TASOR2: variants seen among roughly 807,000 people sequenced by gnomAD.
TASOR2 encodes transcription activation suppressor family member 2.
In TASOR2, 84 loss-of-function variants were observed where a neutral mutation model predicts 199.5. That is an observed-to-expected ratio of 0.42 (90% confidence interval 0.35 to 0.50). TASOR2 has a LOEUF of 0.50. TASOR2 is among the 20% of genes least tolerant of loss of function. The pLI, the probability that TASOR2 is intolerant of heterozygous loss-of-function variation, is 0.02. For missense variants in TASOR2, 2,796 were observed against 2,835.9 expected (o/e 0.99, Z 0.32); for synonymous variants, 1,103 against 1,046.6 (o/e 1.05, Z -1.04).
chr10:5,747,298 A>C, exon 15 of TASOR2: 1 of 1,614,192 alleles, frequency 6.2e-7, no homozygotes, highest in Non-Finnish European at 8.5e-7. Flanking sequence ...ACCACCTACA[A>C]GTCCCAGAGA....
Position 5,685,835 on chromosome 10 carries a change from A to G in TASOR2, c.-288+660A>G, listed in dbSNP as rs537454231. 6.6e-6 allele frequency among the ~76,000 whole-genome samples: 1 copy of G among 152,324 alleles called. No individual in the cohort carries two copies. Among genetic ancestry groups the G allele is most frequent in the South Asian group, 2.1e-4 (1 of 4,830 alleles). On this transcript the variant is annotated intron_variant, in intron 1 of 20. Transcript: ENST00000328090. This position sits in a 1 kb window ranked among gnomAD's most constrained non-coding sequence, Gnocchi z 5.4. ...TTGTCTATTTGAAATCTGTAACTTTAAACAAACCACGCTTACTCTTCCTTA... is the reference window on the plus strand; with the variant it reads ...TTGTCTATTTGAAATCTGTAACTTTGAACAAACCACGCTTACTCTTCCTTA...
At position 5,736,105 on chromosome 10, in the gene TASOR2, A is replaced by G. The variant is rs148998752; in HGVS notation, c.1447+559A>G. Among the ~76,000 whole-genome samples, 178 of 152,134 alleles carry G rather than the reference A, an allele frequency of 1.2e-3. 3 individuals carry two copies. In the East Asian group the frequency reaches 0.026, roughly 23 times the overall value. Reference sequence around the variant, plus strand: ...AAGCACGTACCACCATGCTCAGCTAATTTTTTTGTATTTTTTTACAGAGAC... The same window carrying G: ...AAGCACGTACCACCATGCTCAGCTAGTTTTTTTGTATTTTTTTACAGAGAC... On this transcript the variant is annotated intron_variant, in intron 12 of 20. Coordinates refer to ENST00000328090, the Ensembl canonical transcript of TASOR2.
intron 15 of TASOR2, 69 bp from the exon 17 acceptor site, chr10:5,756,544 T>C: frequency 1.3e-6 from 2 of 1,515,306 alleles, no homozygotes; most frequent in Non-Finnish European, 1.8e-6. Context: ...TTCATTATTT[T>C]AATAAACTAT....
At chr10:5,707,732 A>T (rs1245298402) in intron 1 of TASOR2, among the ~76,000 whole-genome samples, 17 of 2,492 alleles carry the variant, frequency 6.8e-3, no homozygotes, top group Admixed American at 0.013. Flanking sequence ...ATTTTCACAC[A>T]CACACACACA....
Position 5,730,613 on chromosome 10 carries a change from T to C in TASOR2, c.614T>C (p.Leu205Ser), listed in dbSNP as rs1317051364. The C allele has an allele frequency of 6.2e-7, 1 of 1,614,146 alleles. No individual in the cohort carries two copies. The highest frequency in any genetic ancestry group is 2.2e-5 in the East Asian group (1 of 44,880). Reference sequence around the variant, plus strand: ...GAAGAAAGAATCCATCCAAACACATTAGTAAAGCGTCATTTCCAAGAATTG... The same window carrying C: ...GAAGAAAGAATCCATCCAAACACATCAGTAAAGCGTCATTTCCAAGAATTG... Residue 205 changes from leucine (L) to serine (S), a missense_variant, in exon 11 of 21, where the codon TTA (leucine) becomes TCA (serine). Coordinates refer to ENST00000328090, the Ensembl canonical transcript of TASOR2. This position sits in a 1 kb window ranked among gnomAD's most constrained non-coding sequence, Gnocchi z 4.1.
chr10:5,708,495 T>G (rs528891060), intron 1 of TASOR2, among the ~76,000 whole-genome samples: 1 of 152,312 alleles, frequency 6.6e-6, no homozygotes, highest in South Asian at 2.1e-4. Context: ...TTTTTCTTCC[T>G]TGTCTATTCT....
In TASOR2 at chr10:5,720,502, T is replaced by G; in HGVS notation, c.-99-42T>G. ...GAGAAAAACTTGGTACATATGCAGT[T>G]CCATAGTGCTACCCTGATAATACTT... On this transcript the variant is annotated intron_variant, in intron 3 of 20. Coordinates refer to ENST00000328090, the Ensembl canonical transcript of TASOR2. This position sits in a 1 kb window ranked among gnomAD's most constrained non-coding sequence, Gnocchi z 5.3. 1 of 1,488,984 alleles carries G rather than the reference T, an allele frequency of 6.7e-7. No homozygotes were observed. The highest frequency in any genetic ancestry group is 8.9e-7 in the Non-Finnish European group (1 of 1,122,884). The allele number at this position is 1,488,984 out of a possible 1,614,324, so 92.2% of individuals were successfully genotyped here.
At chr10:5,724,514 G>A (rs1833775973) in exon 8 of TASOR2, 3 of 1,478,008 alleles carry the variant, frequency 2.0e-6, no homozygotes, top group Non-Finnish European at 9.0e-7. Context: ...TTAACAGAAT[G>A]TATTAAAAAC....
In TASOR2 at chr10:5,699,167, T is replaced by C. The variant is rs1050440985; in HGVS notation, c.-287-13656T>C. Among the ~76,000 whole-genome samples the C allele has an allele frequency of 5.9e-5, 9 of 152,166 alleles. No individual in the cohort carries two copies. The highest frequency in any genetic ancestry group is 3.8e-4 in the East Asian group (2 of 5,206). ...CATAAAAAGGTATGAAATATTGATATATGCTTTAACATGGATGAACTTCAA... is the reference window on the plus strand; with the variant it reads ...CATAAAAAGGTATGAAATATTGATACATGCTTTAACATGGATGAACTTCAA... On this transcript the variant is annotated intron_variant, in intron 1 of 20. Coordinates refer to ENST00000328090, the Ensembl canonical transcript of TASOR2. The surrounding 1 kb of genome is among the most constrained non-coding windows in gnomAD (Gnocchi z 4.1).
At chr10:5,702,326 T>C (rs1837966855) in intron 1 of TASOR2, among the ~76,000 whole-genome samples, 1 of 152,166 alleles carries the variant, frequency 6.6e-6, no homozygotes, top group East Asian at 1.9e-4. Flanking sequence ...GGCAAATATC[T>C]TTTTACTGTG....
chr10:5,707,865 A>G lies in TASOR2; in HGVS notation c.-287-4958A>G, dbSNP rs968359673. On this transcript the variant is annotated intron_variant, in intron 1 of 20. Coordinates refer to ENST00000328090, the Ensembl canonical transcript of TASOR2. ...AAGGGACATGATTGTTGGGAAGTCA[A>G]TCCAATGTGTCTTTAACCACTGTCT... Among the ~76,000 whole-genome samples, 5 of 152,032 alleles carry G rather than the reference A, an allele frequency of 3.3e-5. No homozygotes were observed. The East Asian group carries it at 5.8e-4, about 18-fold the overall frequency.
chr10:5,758,122 C>T (rs950431455), intron 17 of TASOR2, among the ~76,000 whole-genome samples: 3 of 152,152 alleles, frequency 2.0e-5, no homozygotes, highest in African/African-American at 7.2e-5. Flanking sequence ...TACTTGAAAA[C>T]TCATACTTTA....
At position 5,754,625 on chromosome 10, in the gene TASOR2, A is replaced by G. The variant is rs1242902045; in HGVS notation, c.6607-1988A>G. Among the ~76,000 whole-genome samples, 1 of 152,012 alleles carries G rather than the reference A, an allele frequency of 6.6e-6. No homozygotes were observed. The highest frequency in any genetic ancestry group is 1.5e-5 in the Non-Finnish European group (1 of 68,006). ...GGCTGGTCTCGAACTCCATAGCAGG[A>G]GTTCTTCTAGATATCTTGCTTGTTT... On this transcript the variant is annotated intron_variant, in intron 15 of 20. Transcript: ENST00000328090. The surrounding 1 kb of genome is among the most constrained non-coding windows in gnomAD (Gnocchi z 4.3).
intron 1 of TASOR2, among the ~76,000 whole-genome samples, chr10:5,700,279 T>G (rs1186916652): frequency 6.6e-6 from 1 of 152,172 alleles, no homozygotes; most frequent in African/African-American, 2.4e-5. Flanking sequence ...TTTATTTTTT[T>G]TTTATGGCTG....
chr10:5,724,905 CAAT>C (rs1220378395), intron 8 of TASOR2, among the ~76,000 whole-genome samples: 1 of 151,678 alleles, frequency 6.6e-6, no homozygotes, highest in African/African-American at 2.4e-5. Context: ...AGATTAACAA[CAAT>C]AATAAAATGG....
Position 5,752,178 on chromosome 10 carries a change from A to G in TASOR2, c.6606+2151A>G, listed in dbSNP as rs1838145943. ...TCTACCTCAGAGCCCCAACATGTGC[A>G]GGTGGGGGGGATGTTGCTTTTTTGT... On this transcript the variant is annotated intron_variant, in intron 15 of 20. Transcript: ENST00000328090. The surrounding 1 kb of genome is among the most constrained non-coding windows in gnomAD (Gnocchi z 4.4). Among the ~76,000 whole-genome samples the G allele has an allele frequency of 6.6e-6, 1 of 152,212 alleles. No homozygotes were observed. The highest frequency in any genetic ancestry group is 1.5e-5 in the Non-Finnish European group (1 of 68,030).
In TASOR2 at chr10:5,693,641, A is replaced by G. The variant is rs140488525; in HGVS notation, c.-288+8466A>G. 1.5e-3 allele frequency among the ~76,000 whole-genome samples: 224 copies of G among 152,326 alleles called. 1 individual carries two copies. Among genetic ancestry groups the G allele is most frequent in the Non-Finnish European group, 1.6e-4 (11 of 68,020 alleles). ...AACCTCATCCCTGGAGGAGGGGGGA[A>G]CCCCCACAAAACCACAACTATAACT... On this transcript the variant is annotated intron_variant, in intron 1 of 20. Transcript: ENST00000328090.
Position 5,730,801 on chromosome 10 carries a change from A to G in TASOR2, c.802A>G (p.Ser268Gly), listed in dbSNP as rs751465508. 3 of 1,614,034 alleles carry G rather than the reference A, an allele frequency of 1.9e-6. No homozygotes were observed. In the African/African-American group the frequency reaches 4.0e-5, roughly 22 times the overall value. ...GTTGAACTCTTATTTTTCAGACCCT[A>G]GTGCTTACATTTTGGAAGTGTCTAC... Residue 268 changes from serine to glycine, a missense_variant, in exon 11 of 21, where the codon AGT (serine) becomes GGT (glycine). Ser to Gly is a moderately conservative substitution (Grantham distance 56). Around this residue, in one of 3 missense-constraint regions of TASOR2, gnomAD observed 847 missense variants for 887.4 expected, o/e 0.95. Transcript: ENST00000328090. The surrounding 1 kb of genome is among the most constrained non-coding windows in gnomAD (Gnocchi z 4.1).
At chr10:5,744,222 C>T (rs1836836846) in intron 14 of TASOR2, among the ~76,000 whole-genome samples, 1 of 152,196 alleles carries the variant, frequency 6.6e-6, no homozygotes, top group Non-Finnish European at 1.5e-5. Flanking sequence ...AGGACACTGA[C>T]TCTCAAGACT....
Sources: gnomAD v4.1 joint callset for allele counts (sites outside exome capture counted in the v4.1 genomes callset) on GRCh38, gnomAD v4.1.1 for gene constraint, gnomAD v4.1.1 regional missense constraint, Gnocchi (gnomAD v3.1) non-coding constraint, MANE v1.5 for transcripts, NCBI Gene and HGNC (gene_info 2026-07-23, HGNC 2026-07-21) for gene names.